The following CDK12 variants were observed in gnomAD, a reference collection of about 807,000 sequenced individuals.
CDK12 encodes cyclin-dependent kinase 12.
Under a neutral mutation model 133.8 loss-of-function variants are expected in CDK12, and 17 were observed. That is an observed-to-expected ratio of 0.13 (90% CI 0.09 to 0.19). The LOEUF is 0.19. Among genes scored for constraint, CDK12 ranks in the 10% least tolerant of loss-of-function variants. CDK12 has a pLI of 1.00. For synonymous variants in CDK12, 694 were observed against 683.6 expected (o/e 1.02, Z -0.24); for missense variants, 1,508 against 1,818.7 (o/e 0.83, Z 3.11).
chr17:39,556,045 A>G lies in CDK12; in HGVS notation n.357-241A>G, dbSNP rs563727971. Among the ~76,000 whole-genome samples, 13 of 151,732 alleles carry G rather than the reference A, an allele frequency of 8.6e-5. 1 individual carries two copies. The East Asian group carries it at 2.3e-3, about 27-fold the overall frequency. ...TGAGACCCTGTCTCAAAAAAAAAAA[A>G]AAAAAAGAAAACATGCCACGATGCC... On this transcript the variant is annotated intron_variant and non_coding_transcript_variant, in intron 2 of 3. Transcript: ENST00000558240.
chr17:39,555,231 C>T (rs1369410240), intron 2 of CDK12, among the ~76,000 whole-genome samples: 1 of 152,126 alleles, frequency 6.6e-6, no homozygotes, highest in East Asian at 1.9e-4. Flanking sequence ...CCAGCCTGGG[C>T]AACAGAGCGA....
chr17:39,470,691 C>T (rs1028119483), intron 1 of CDK12, among the ~76,000 whole-genome samples, 188 bp from the exon 2 acceptor site: 7 of 152,286 alleles, frequency 4.6e-5, no homozygotes, highest in Admixed American at 2.0e-4. Context: ...TACCATCTTA[C>T]ATTTAGTCCT....
In CDK12 at chr17:39,531,349, T is replaced by C. The variant is rs778980287; in HGVS notation, c.*33T>C. 5.0e-6 allele frequency: 7 copies of C among 1,411,246 alleles called. No individual in the cohort carries two copies. In the East Asian group the frequency reaches 1.8e-4, roughly 36 times the overall value. 87.4% of individuals were successfully genotyped at this position (1,411,246 alleles called of 1,614,324 possible). On this transcript the variant is annotated 3_prime_UTR_variant, in exon 14 of 14. Coordinates refer to ENST00000447079, the MANE Select transcript of CDK12 (RefSeq NM_016507.4). ...ACTTCAGTGTCCTGAAAGATTCCTT[T>C]CCTATCCATCCTTCCATCCAGTTCT...
downstream of CDK12, among the ~76,000 whole-genome samples, chr17:39,565,263 G>A (rs1183298090): frequency 2.0e-5 from 3 of 152,062 alleles, no homozygotes; most frequent in South Asian, 2.1e-4. Flanking sequence ...ATAGGCGCCC[G>A]CCACCACGCC....
At chr17:39,538,363 G>A (rs1220482499), downstream of CDK12, among the ~76,000 whole-genome samples, 1 of 152,140 alleles carries the variant, frequency 6.6e-6, no homozygotes, top group Non-Finnish European at 1.5e-5. Context: ...GAGAATATGC[G>A]AATTAGAGTC....
intron 5 of CDK12, among the ~76,000 whole-genome samples, chr17:39,498,594 A>G (rs746007471): frequency 6.6e-6 from 1 of 151,976 alleles, no homozygotes; most frequent in Non-Finnish European, 1.5e-5. Flanking sequence ...CATTGGTGCA[A>G]TCACAGCTTA....
At chr17:39,478,269 G>A (rs1183453765) in intron 2 of CDK12, among the ~76,000 whole-genome samples, 1 of 151,338 alleles carries the variant, frequency 6.6e-6, no homozygotes, top group African/African-American at 2.4e-5. Flanking sequence ...TCAGCTCACT[G>A]CAACTTCTGC....
rs1033890669 is a variant in CDK12 at position 39,461,789 on chromosome 17, G to C, written c.-283G>C. 4.3e-6 allele frequency: 2 copies of C among 460,208 alleles called. No individual in the cohort carries two copies. Among genetic ancestry groups the C allele is most frequent in the Non-Finnish European group, 7.9e-6 (2 of 254,066 alleles). 28.5% of individuals were successfully genotyped at this position (460,208 alleles called of 1,614,324 possible). A position where few individuals can be genotyped will look rare whatever the true frequency, so the allele number is the denominator to read the frequency against. ...GGCGCCCGGGCCTGAGGACTGGCTCGGCGGAGGGAGAAGAGGAAACAGACT... is the reference window on the plus strand; with the variant it reads ...GGCGCCCGGGCCTGAGGACTGGCTCCGCGGAGGGAGAAGAGGAAACAGACT... On this transcript the variant is annotated 5_prime_UTR_variant, in exon 1 of 14. Transcript: ENST00000447079.
At position 39,461,840 on chromosome 17, in the gene CDK12, C is replaced by A. The variant is rs912430973; in HGVS notation, c.-232C>A. ...TGAGCAGCTCCCCGTTGTCTCGCAA[C>A]TCCACTGCCGAGGAACTCTCATTTC... On this transcript the variant is annotated 5_prime_UTR_variant, in exon 1 of 14. Coordinates refer to ENST00000447079, the MANE Select transcript of CDK12 (RefSeq NM_016507.4). 4 of 567,090 alleles carry A rather than the reference C, an allele frequency of 7.1e-6. No homozygotes were observed. The African/African-American group carries it at 7.5e-5, about 11-fold the overall frequency. The allele number at this position is 567,090 out of a possible 1,614,324, so 35.1% of individuals were successfully genotyped here.
intron 2 of CDK12, 148 bp downstream of exon 2, chr17:39,471,911 ATTAC>A: frequency 1.4e-6 from 1 of 712,200 alleles, no homozygotes; most frequent in Non-Finnish European, 2.3e-6. Context: ...TTATGACATT[ATTAC>A]TTGGGAAGAG....
chr17:39,482,306 C>G (rs938585844), intron 2 of CDK12, among the ~76,000 whole-genome samples: 1 of 152,058 alleles, frequency 6.6e-6, no homozygotes, highest in Non-Finnish European at 1.5e-5. Flanking sequence ...GCTACCGCAC[C>G]TGGCCTTGCT....
intron 8 of CDK12, among the ~76,000 whole-genome samples, chr17:39,513,729 T>C (rs1567762125): frequency 1.3e-5 from 2 of 152,164 alleles, no homozygotes; most frequent in Admixed American, 6.5e-5. Context: ...CTACATAAAG[T>C]TAGACATTCT....
rs2144893582 is a variant in CDK12 at position 39,462,738 on chromosome 17, C to T, written c.667C>T (p.Pro223Ser). ...CAGCCCAAAACGGAGATCCAGGAGC[C>T]CCCACAGGAAGTGGTCTGACAGCTC... ...VDSPKRRSRS[P>S]HRKWSDSSKQ... The change falls in exon 1 of 14, where the codon CCC becomes TCC. Residue 223 changes from proline (P) to serine (S), a missense_variant. By Grantham distance (74) the Pro-to-Ser change is moderately conservative. Around this residue, in one of 9 missense-constraint regions of CDK12, gnomAD observed 460 missense variants for 490.8 expected, o/e 0.94. Transcript: ENST00000447079. The T allele has an allele frequency of 1.2e-6, 2 of 1,614,124 alleles. No individual in the cohort carries two copies. The highest frequency in any genetic ancestry group is 8.5e-7 in the Non-Finnish European group (1 of 1,180,026).
At chr17:39,517,285 G>A (rs1382544972) in intron 9 of CDK12, among the ~76,000 whole-genome samples, 155 bp from the exon 10 acceptor site, 1 of 152,098 alleles carries the variant, frequency 6.6e-6, no homozygotes, top group Non-Finnish European at 1.5e-5. Context: ...TGCCCTTAAA[G>A]CAGTAATGTC....
intron 2 of CDK12, among the ~76,000 whole-genome samples, chr17:39,487,247 G>A (rs188327671): frequency 2.4e-4 from 36 of 152,230 alleles, no homozygotes; most frequent in African/African-American, 8.7e-4. Context: ...GGATTAAAAC[G>A]ATAAAAATTG....
At chr17:39,523,903 TA>T (rs574886981) in intron 11 of CDK12, among the ~76,000 whole-genome samples, 230 of 152,274 alleles carry the variant, frequency 1.5e-3, no homozygotes, top group Non-Finnish European at 2.4e-3. Context: ...CGCCTGCCTC[TA>T]CCTCCCAAAG....
At chr17:39,521,717 G>A (rs1282692182) in intron 11 of CDK12, among the ~76,000 whole-genome samples, 5 of 151,764 alleles carry the variant, frequency 3.3e-5, no homozygotes, top group Admixed American at 2.6e-4. Context: ...AGGCCACCAC[G>A]CCCGACTAAT....
chr17:39,529,403 G>A (rs1198229570), intron 13 of CDK12, among the ~76,000 whole-genome samples: 1 of 152,128 alleles, frequency 6.6e-6, no homozygotes, highest in Non-Finnish European at 1.5e-5. Flanking sequence ...CTTGTTTTGA[G>A]TAATGACTTT....
rs898284684 is a variant in CDK12 at position 39,534,269 on chromosome 17, A to G, written c.*2953A>G. 3.9e-5 allele frequency: 9 copies of G among 232,660 alleles called. No homozygotes were observed. Among genetic ancestry groups the G allele is most frequent in the Middle Eastern group, 1.3e-3 (1 of 800 alleles). 14.4% of individuals were successfully genotyped at this position (232,660 alleles called of 1,614,324 possible). A position where few individuals can be genotyped will look rare whatever the true frequency, so the allele number is the denominator to read the frequency against. On this transcript the variant is annotated 3_prime_UTR_variant, in exon 14 of 14. Coordinates refer to ENST00000447079, the MANE Select transcript of CDK12 (RefSeq NM_016507.4). ...CCATAGACATCACCCAACCACTTGT[A>G]TGTGTGTGTGTATATATAATATGCA...
Sources: allele counts gnomAD v4.1 joint callset (sites outside exome capture counted in the v4.1 genomes callset), GRCh38; gene constraint gnomAD v4.1.1; regional missense constraint gnomAD v4.1.1; transcripts MANE v1.5; gene names NCBI Gene and HGNC (gene_info 2026-07-23, HGNC 2026-07-21).